The following BAZ2B variants were observed in gnomAD, a reference collection of about 807,000 sequenced individuals.
BAZ2B encodes the protein bromodomain adjacent to zinc finger domain 2B.
Under a neutral mutation model 246.0 loss-of-function variants are expected in BAZ2B, and 91 were observed. The ratio of observed to expected loss-of-function variants is 0.37; its 90% CI spans 0.31 to 0.44. BAZ2B has a LOEUF of 0.44. Ranked by LOEUF, BAZ2B falls within the 20% of genes least tolerant of loss-of-function variation. The pLI, the probability that BAZ2B is intolerant of heterozygous loss-of-function variation, is 1.00. For synonymous variants in BAZ2B, 855 were observed against 860.0 expected (o/e 0.99, Z 0.10); for missense variants, 2,332 against 2,533.7 (o/e 0.92, Z 1.71).
intron 1 of BAZ2B, among the ~76,000 whole-genome samples, chr2:159,612,540 C>T (rs1694926338): frequency 6.6e-6 from 1 of 152,052 alleles, no homozygotes; most frequent in Non-Finnish European, 1.5e-5. Context: ...CTCTGAGAAA[C>T]CTTTAAACCT....
chr2:159,370,909 G>A (rs936291464), intron 27 of BAZ2B, among the ~76,000 whole-genome samples: 4 of 150,070 alleles, frequency 2.7e-5, no homozygotes, highest in African/African-American at 9.8e-5. Context: ...GGCTTCAAGC[G>A]ATTCTCCTGC....
chr2:159,529,205 C>G (rs1354238196), intron 2 of BAZ2B, among the ~76,000 whole-genome samples: 2 of 152,008 alleles, frequency 1.3e-5, no homozygotes, highest in South Asian at 4.2e-4. Flanking sequence ...GACCATGGAA[C>G]CTTTTTTCAT....
At chr2:159,601,857 C>A (rs1415052162) in intron 1 of BAZ2B, among the ~76,000 whole-genome samples, 2 of 152,010 alleles carry the variant, frequency 1.3e-5, no homozygotes, top group Non-Finnish European at 2.9e-5. Context: ...AAAAGAGTGC[C>A]CAATGTTACC....
Position 159,328,070 on chromosome 2 carries a change from G to GAA in BAZ2B, c.5944-2154_5944-2153dup, listed in dbSNP as rs1306873341. 6.4e-3 allele frequency among the ~76,000 whole-genome samples: 318 copies of GAA among 49,508 alleles called. 5 individuals are homozygous for GAA. Among genetic ancestry groups the GAA allele is most frequent in the African/African-American group, 0.019 (303 of 15,978 alleles). 32.5% of individuals were successfully genotyped at this position (49,508 alleles called of 152,430 possible). On this transcript the variant is annotated intron_variant, in intron 34 of 36. Coordinates refer to ENST00000392783, the MANE Select transcript of BAZ2B (RefSeq NM_013450.4). Reference sequence around the variant, plus strand: ...ATGGAATGAGACTCAGCCTCAAAACGAAAAAAAAAAAAAAAAAAAAAGAAA... The same window carrying GAA: ...ATGGAATGAGACTCAGCCTCAAAACGAAAAAAAAAAAAAAAAAAAAAAAGAAA...
chr2:159,485,883 T>C (rs924553175), intron 2 of BAZ2B, among the ~76,000 whole-genome samples: 1 of 152,110 alleles, frequency 6.6e-6, no homozygotes, highest in African/African-American at 2.4e-5. Flanking sequence ...TTGTTGTACT[T>C]CTATCTCAAA....
At chr2:159,439,255 A>G (rs2072950795) in intron 6 of BAZ2B, 43 bp from the exon 7 acceptor site, 2 of 1,519,280 alleles carry the variant, frequency 1.3e-6, no homozygotes, top group East Asian at 4.5e-5. Flanking sequence ...ATTTTTGGAA[A>G]ACATTCAAGT....
At chr2:159,464,121 T>C (rs968245444) in intron 3 of BAZ2B, 2 of 152,210 alleles carry the variant, frequency 1.3e-5, no homozygotes, top group African/African-American at 4.8e-5. Flanking sequence ...TGTTATCATC[T>C]TACATGACTA....
chr2:159,363,219 T>C (rs982615875), intron 27 of BAZ2B, among the ~76,000 whole-genome samples: 12 of 152,134 alleles, frequency 7.9e-5, no homozygotes, highest in Non-Finnish European at 1.8e-4. Context: ...ACTGGATGCT[T>C]GGTAGCATGG....
chr2:159,369,361 T>C (rs1197140537), intron 27 of BAZ2B, among the ~76,000 whole-genome samples: 4 of 152,226 alleles, frequency 2.6e-5, no homozygotes, highest in African/African-American at 4.8e-5. Flanking sequence ...GTCAGAATTG[T>C]ATACAGTCTT....
intron 1 of BAZ2B, among the ~76,000 whole-genome samples, chr2:159,559,859 T>C (rs188083677): frequency 1.0e-3 from 154 of 152,304 alleles, no homozygotes; most frequent in African/African-American, 3.7e-3. Context: ...TATGAAAACA[T>C]AATTCAACTA....
intron 2 of BAZ2B, among the ~76,000 whole-genome samples, chr2:159,526,944 G>A (rs532748321): frequency 1.3e-5 from 2 of 149,248 alleles, no homozygotes; most frequent in South Asian, 4.2e-4. Context: ...GTAAGTGTGT[G>A]TTTCTTCCTT....
chr2:159,553,934 C>T (rs756745391), intron 2 of BAZ2B, among the ~76,000 whole-genome samples: 12 of 152,004 alleles, frequency 7.9e-5, no homozygotes, highest in Non-Finnish European at 1.6e-4. Context: ...CATTTTATTC[C>T]AGCCACACGG....
At chr2:159,448,821 A>G (rs1327940226) in intron 4 of BAZ2B, among the ~76,000 whole-genome samples, 1 of 152,202 alleles carries the variant, frequency 6.6e-6, no homozygotes, top group Non-Finnish European at 1.5e-5. Flanking sequence ...AATTACATAC[A>G]ATATAAATCT....
chr2:159,504,074 A>AT (rs2082091322), intron 2 of BAZ2B, among the ~76,000 whole-genome samples: 1 of 152,168 alleles, frequency 6.6e-6, no homozygotes, highest in Admixed American at 6.5e-5. Context: ...CTTGCAAAGA[A>AT]TATTATACAA....
chr2:159,383,519 T>C, intron 24 of BAZ2B, 87 bp downstream of exon 24: 5 of 1,155,348 alleles, frequency 4.3e-6, no homozygotes, highest in Non-Finnish European at 6.3e-6. Flanking sequence ...AATAAAAGTT[T>C]AAATTCTATC....
At chr2:159,532,590 G>T (rs2085490489) in intron 2 of BAZ2B, among the ~76,000 whole-genome samples, 2 of 152,180 alleles carry the variant, frequency 1.3e-5, no homozygotes, top group African/African-American at 4.8e-5. Context: ...TTTGGAATTA[G>T]AAGTTAGGGA....
chr2:159,484,330 A>T (rs910874749), intron 2 of BAZ2B, among the ~76,000 whole-genome samples: 1 of 152,228 alleles, frequency 6.6e-6, no homozygotes, highest in Non-Finnish European at 1.5e-5. Flanking sequence ...TACTGTAATA[A>T]GTGATAAAAT....
At chr2:159,337,433 A>C in intron 32 of BAZ2B, 134 bp downstream of exon 32, 3 of 1,561,550 alleles carry the variant, frequency 1.9e-6, no homozygotes, top group Non-Finnish European at 2.6e-6. Flanking sequence ...GAAGCACAAT[A>C]ATTTTTCAAG....
At chr2:159,370,378 C>CT (rs55760591) in intron 27 of BAZ2B, among the ~76,000 whole-genome samples, 4,626 of 92,144 alleles carry the variant, frequency 0.05, 275 homozygotes, top group South Asian at 0.084. Context: ...ACTGTACTAC[C>CT]TTTTTTTTTT....
Sources: gnomAD v4.1 joint callset for allele counts (sites outside exome capture counted in the v4.1 genomes callset) on GRCh38, gnomAD v4.1.1 for gene constraint, MANE v1.5 for transcripts, NCBI Gene and HGNC (gene_info 2026-07-23, HGNC 2026-07-21) for gene names.